The following CARMIL2 variants were observed in gnomAD, a reference collection of about 807,000 sequenced individuals.
The protein encoded by CARMIL2 is capping protein, Arp2/3 and myosin-I linker protein 2.
A neutral mutation model predicts 173.3 loss-of-function variants in CARMIL2; 96 were observed. That is an observed-to-expected ratio of 0.55 (90% confidence interval 0.47 to 0.66). The LOEUF (loss-of-function observed/expected upper bound fraction) is 0.66. Among genes scored for constraint, CARMIL2 ranks in the 30% least tolerant of loss-of-function variants. CARMIL2 has a pLI of 0.00. For missense variants in CARMIL2, 1,771 were observed against 1,906.7 expected, an observed-to-expected ratio of 0.93 and a Z score of 1.33; for synonymous variants, 830 against 817.1, an observed-to-expected ratio of 1.02 and a Z score of -0.27.
rs760014999 is a variant in CARMIL2 at position 67,657,536 on chromosome 16, G to A, written c.*18G>A. On this transcript the variant is annotated 3_prime_UTR_variant, in exon 38 of 38. Transcript: ENST00000334583. This position sits in a 1 kb window ranked among gnomAD's most constrained non-coding sequence, Gnocchi z 4.5. ...ATCCCTGATCCTCTCCTCTCCTGCC[G>A]CATGAGATTATTTTATTAAAAAACT... is the stretch of plus-strand genomic sequence containing the variant. 2.7e-5 allele frequency: 43 copies of A among 1,613,250 alleles called. No individual in the cohort carries two copies. Among genetic ancestry groups the A allele is most frequent in the South Asian group, 2.1e-4 (19 of 91,072 alleles).
In CARMIL2 at chr16:67,648,485, G is replaced by A. The variant is rs1414733929; in HGVS notation, c.1422G>A (p.Leu474=). 2.1e-6 allele frequency: 3 copies of A among 1,434,630 alleles called. No individual in the cohort carries two copies. The highest frequency in any genetic ancestry group is 2.7e-6 in the Non-Finnish European group (3 of 1,101,628). 88.9% of individuals were successfully genotyped at this position (1,434,630 alleles called of 1,614,324 possible). The change falls in exon 15 of 38, where the codon CTG becomes CTA. Residue 474 remains leucine (L), a synonymous_variant. Coordinates refer to ENST00000334583, the MANE Select transcript of CARMIL2 (RefSeq NM_001013838.3). This position sits in a 1 kb window ranked among gnomAD's most constrained non-coding sequence, Gnocchi z 6.1. ...LRHLGLAGCK[L]PPDALRALLD... ...ACCTGGGCCTGGCGGGCTGCAAGCT[G>A]CCGCCCGACGCGCTCAGGTCAGTGT...
At chr16:67,650,245 G>T (rs1409056355) in intron 22 of CARMIL2, 95 bp downstream of exon 22, 39 of 1,047,958 alleles carry the variant, frequency 3.7e-5, no homozygotes, top group Non-Finnish European at 5.4e-5. Flanking sequence ...CTTTCCTGGG[G>T]CCAGGGTGCC....
chr16:67,650,095 C>T lies in CARMIL2; in HGVS notation c.2129C>T (p.Ser710Phe), dbSNP rs375991429. The change falls in exon 22 of 38, where the codon TCT becomes TTT. Residue 710 changes from serine to phenylalanine, a missense_variant. Transcript: ENST00000334583. ...AACAACCGCGCAGACCCTGCCTCTT[C>T]TGACCACACGACCCGCCTTCAGCCA... ...LRNNRADPAS[S>F]DHTTRLQPLG... 5.6e-6 allele frequency: 9 copies of T among 1,613,698 alleles called. No individual in the cohort carries two copies. The Admixed American group carries it at 1.5e-4, about 27-fold the overall frequency.
rs2052789973 is a variant in CARMIL2 at position 67,654,229 on chromosome 16, G to C, written c.3201G>C (p.Arg1067Ser). 6.4e-7 allele frequency: 1 copy of C among 1,571,172 alleles called. No individual in the cohort carries two copies. The highest frequency in any genetic ancestry group is 1.9e-5 in the Admixed American group (1 of 53,414). Residue 1067 changes from arginine to serine, a missense_variant, in exon 30 of 38, where the codon AGG (arginine) becomes AGC (serine). Arg to Ser is a moderately radical substitution (Grantham distance 110, BLOSUM62 -1). Around this residue, in one of 3 missense-constraint regions of CARMIL2, gnomAD observed 817 missense variants for 903.5 expected, o/e 0.90. Transcript: ENST00000334583. ...GCGTGGAGGAATTCTTCTCCAAAAG[G>C]CTGATCCAGCAGGATCGCCTGTGAG... ...DEGVEEFFSKRLIQQDRLWAP... is the reference protein window; with the variant it reads ...DEGVEEFFSKSLIQQDRLWAP...
chr16:67,653,300 C>A lies in CARMIL2; in HGVS notation c.3120+46C>A. The A allele has an allele frequency of 1.0e-6, 1 of 960,536 alleles. No homozygotes were observed. The highest frequency in any genetic ancestry group is 4.9e-5 in the South Asian group (1 of 20,244). The allele number at this position is 960,536 out of a possible 1,614,324, so 59.5% of individuals were successfully genotyped here. Reference sequence around the variant, plus strand: ...CCGGAGCGCGTGGAATTGGGGATCACGGGTGGCCCGGCCGCTCCTCATGGG... The same window carrying A: ...CCGGAGCGCGTGGAATTGGGGATCAAGGGTGGCCCGGCCGCTCCTCATGGG... On this transcript the variant is annotated intron_variant, in intron 29 of 37. Coordinates refer to ENST00000334583, the MANE Select transcript of CARMIL2 (RefSeq NM_001013838.3). The surrounding 1 kb of genome is among the most constrained non-coding windows in gnomAD (Gnocchi z 7.4).
In CARMIL2 at chr16:67,653,041, G is replaced by A; in HGVS notation, c.2907G>A (p.Pro969=). ...FIHSAAEEAE[P]EPELAAPGED... is the part of the protein sequence containing the mutation. ...CAGGTGCTGCTGAGGAAGCGGAGCC[G>A]GAGCCCGAGCTGGCGGCTCCGGGAG... The change falls in exon 29 of 38, where the codon CCG becomes CCA. Residue 969 remains proline, a synonymous_variant. Coordinates refer to ENST00000334583, the MANE Select transcript of CARMIL2 (RefSeq NM_001013838.3). This position sits in a 1 kb window ranked among gnomAD's most constrained non-coding sequence, Gnocchi z 7.4. 3.9e-6 allele frequency: 5 copies of A among 1,271,708 alleles called. No individual in the cohort carries two copies. Among genetic ancestry groups the A allele is most frequent in the Non-Finnish European group, 5.0e-6 (5 of 996,844 alleles). The allele number at this position is 1,271,708 out of a possible 1,614,324, so 78.8% of individuals were successfully genotyped here.
Position 67,648,964 on chromosome 16 carries a change from G to A in CARMIL2, c.1581G>A (p.Leu527=), listed in dbSNP as rs745361625. Residue 527 remains leucine, a synonymous_variant, in exon 17 of 38, where the codon CTG becomes CTA. Transcript: ENST00000334583. This position sits in a 1 kb window ranked among gnomAD's most constrained non-coding sequence, Gnocchi z 6.1. ...CDAGAVSSLD[L]ADNGFGSDMV... ...CAGGCGCTGTGAGCTCCCTGGATCT[G>A]GCGGATAACGGTGAGGCTGCAGGAG... 2.5e-6 allele frequency: 4 copies of A among 1,609,024 alleles called. No homozygotes were observed. The highest frequency in any genetic ancestry group is 2.5e-6 in the Non-Finnish European group (3 of 1,177,984).
rs748616015 is a variant in CARMIL2 at position 67,648,031 on chromosome 16, G to T, written c.1072-21G>T. 6.2e-7 allele frequency: 1 copy of T among 1,609,240 alleles called. No homozygotes were observed. Among genetic ancestry groups the T allele is most frequent in the Non-Finnish European group, 8.5e-7 (1 of 1,178,070 alleles). The stretch of plus-strand genomic sequence containing the variant: ...TGGGTAGGCGATCCCCCACTCCATC[G>T]CACCCCTGTCCTCCCTCCAGGGCCT... On this transcript the variant is annotated intron_variant, in intron 13 of 37. Coordinates refer to ENST00000334583, the MANE Select transcript of CARMIL2 (RefSeq NM_001013838.3). This position sits in a 1 kb window ranked among gnomAD's most constrained non-coding sequence, Gnocchi z 6.1.
chr16:67,645,391 G>A, intron 1 of CARMIL2, 105 bp downstream of exon 1: 1 of 1,411,302 alleles, frequency 7.1e-7, no homozygotes, highest in Non-Finnish European at 9.8e-7. Flanking sequence ...GGTCCTCCCT[G>A]CTCCCCAGGA....
At position 67,653,109 on chromosome 16, in the gene CARMIL2, C is replaced by A; in HGVS notation, c.2975C>A (p.Pro992Gln). 8 of 1,150,160 alleles carry A rather than the reference C, an allele frequency of 7.0e-6. No individual in the cohort carries two copies. Among genetic ancestry groups the A allele is most frequent in the Non-Finnish European group, 8.6e-6 (8 of 932,428 alleles). 71.2% of individuals were successfully genotyped at this position (1,150,160 alleles called of 1,614,324 possible). The change falls in exon 29 of 38, where the codon CCG (proline) becomes CAG (glutamine). Residue 992 changes from proline to glutamine, a missense_variant. Pro to Gln is a moderately conservative substitution (Grantham distance 76). Around this residue, in one of 3 missense-constraint regions of CARMIL2, gnomAD observed 817 missense variants for 903.5 expected, o/e 0.90. Coordinates refer to ENST00000334583, the MANE Select transcript of CARMIL2 (RefSeq NM_001013838.3). The surrounding 1 kb of genome is among the most constrained non-coding windows in gnomAD (Gnocchi z 7.4). Reference protein sequence around the residue: ...PQAGPSARGSPSPAAPGPPAG... With the variant: ...PQAGPSARGSQSPAAPGPPAG... ...GCGGGGCCGTCCGCGCGCGGCTCTC[C>A]GAGCCCTGCCGCCCCTGGGCCCCCG...
chr16:67,654,716 G>A (rs2142949491), intron 31 of CARMIL2, 24 bp downstream of exon 31: 1 of 1,602,930 alleles, frequency 6.2e-7, no homozygotes. Flanking sequence ...ATGGGGGGTG[G>A]TGAAGGCGCT....
rs2142943202 is a variant in CARMIL2, at chr16:67,653,623, G to T, written c.3120+369G>T. The stretch of plus-strand genomic sequence containing the variant: ...GGGGCCAAGCCTGCGTCTGCTGCGC[G>T]TCCGGCGGCGGCGCGTGTGGGGAGA... On this transcript the variant is annotated intron_variant, in intron 29 of 37. Transcript: ENST00000334583. The surrounding 1 kb of genome is among the most constrained non-coding windows in gnomAD (Gnocchi z 7.4). Among the ~76,000 whole-genome samples the T allele has an allele frequency of 6.6e-6, 1 of 152,290 alleles. No homozygotes were observed. The highest frequency in any genetic ancestry group is 1.9e-4 in the East Asian group (1 of 5,168).
chr16:67,647,528 C>T lies in CARMIL2; in HGVS notation c.797C>T (p.Ala266Val), dbSNP rs1468078419. Residue 266 changes from alanine (A) to valine (V), a missense_variant, in exon 11 of 38, where the codon GCC (alanine) becomes GTC (valine). Ala to Val is a moderately conservative substitution (Grantham distance 64). Around this residue, in one of 3 missense-constraint regions of CARMIL2, gnomAD observed 944 missense variants for 975.6 expected, o/e 0.97. Transcript: ENST00000334583. ...SLRGDFVRRL[A>V]QALAGHSSSG... ...CCCAGAGACTTTGTCCGACGACTGG[C>T]CCAGGCGCTGGCGGGACACTCAAGC... 31 of 1,608,178 alleles carry T rather than the reference C, an allele frequency of 1.9e-5. 1 individual carries two copies. Among genetic ancestry groups the T allele is most frequent in the Non-Finnish European group, 2.6e-5 (31 of 1,177,704 alleles).
In CARMIL2 at chr16:67,649,570, G is replaced by A; in HGVS notation, c.1870G>A (p.Ala624Thr). 6.2e-7 allele frequency: 1 copy of A among 1,601,870 alleles called. No homozygotes were observed. Among genetic ancestry groups the A allele is most frequent in the Non-Finnish European group, 8.5e-7 (1 of 1,179,532 alleles). Residue 624 changes from alanine (A) to threonine (T), a missense_variant, in exon 20 of 38, where the codon GCG becomes ACG. By Grantham distance (58) the Ala-to-Thr change is moderately conservative. Around this residue, in one of 3 missense-constraint regions of CARMIL2, gnomAD observed 944 missense variants for 975.6 expected, o/e 0.97. Coordinates refer to ENST00000334583, the MANE Select transcript of CARMIL2 (RefSeq NM_001013838.3). The surrounding 1 kb of genome is among the most constrained non-coding windows in gnomAD (Gnocchi z 6.7). Reference protein sequence around the residue: ...LDISGNAMGDAGAKLLAKALR... With the variant: ...LDISGNAMGDTGAKLLAKALR... ...TATCAGCGGCAACGCCATGGGGGAC[G>A]CGGGCGCCAAGTTGCTGGCCAAGGC...
chr16:67,647,008 T>C (rs373985953), intron 8 of CARMIL2, 35 bp downstream of exon 8: 9 of 1,609,536 alleles, frequency 5.6e-6, no homozygotes, highest in Non-Finnish European at 7.6e-6. Flanking sequence ...AGGAGGAAGA[T>C]CCCGGGGCCC....
intron 32 of CARMIL2, among the ~76,000 whole-genome samples, chr16:67,655,518 A>G (rs1040505645): frequency 1.3e-5 from 2 of 152,136 alleles, no homozygotes; most frequent in African/African-American, 2.4e-5. Context: ...CACTGTTCAG[A>G]CTCCACAACC....
Position 67,656,317 on chromosome 16 carries a change from T to C in CARMIL2, c.3814+18T>C, listed in dbSNP as rs1199543857. On this transcript the variant is annotated intron_variant, in intron 34 of 37. Coordinates refer to ENST00000334583, the MANE Select transcript of CARMIL2 (RefSeq NM_001013838.3). The stretch of plus-strand genomic sequence containing the variant: ...GTCTGCTGGTGAGTGAGGGCCACTG[T>C]GTGTGTTGGTAGTGGGAGCAGGGAC... 11 of 1,613,522 alleles carry C rather than the reference T, an allele frequency of 6.8e-6. No individual in the cohort carries two copies. The highest frequency in any genetic ancestry group is 1.3e-5 in the African/African-American group (1 of 74,906).
In CARMIL2 at chr16:67,657,101, C is replaced by G; in HGVS notation, c.4118-138C>G. The G allele has an allele frequency of 1.2e-6, 1 of 851,538 alleles. No individual in the cohort carries two copies. Among genetic ancestry groups the G allele is most frequent in the Non-Finnish European group, 1.9e-6 (1 of 533,462 alleles). 52.7% of individuals were successfully genotyped at this position (851,538 alleles called of 1,614,324 possible). A position where few individuals can be genotyped will look rare whatever the true frequency, so the allele number is the denominator to read the frequency against. ...GAGCAGCCTCTGCCAGGGGTGAGGA[C>G]GCAGGGACGGGGGATGCTCTGAAGG... is the stretch of plus-strand genomic sequence containing the variant. On this transcript the variant is annotated intron_variant, in intron 36 of 37. Transcript: ENST00000334583. This position sits in a 1 kb window ranked among gnomAD's most constrained non-coding sequence, Gnocchi z 4.5.
Position 67,656,650 on chromosome 16 carries a change from G to A in CARMIL2, c.4036+5G>A. The A allele has an allele frequency of 6.3e-7, 1 of 1,581,622 alleles. No homozygotes were observed. The highest frequency in any genetic ancestry group is 8.6e-7 in the Non-Finnish European group (1 of 1,164,698). The stretch of plus-strand genomic sequence containing the variant: ...GCTTGGGCCCCAGAAATGAAGGTAG[G>A]CAGGCACCTGATTCCCCACCCCAAT... On this transcript the variant is annotated splice_donor_5th_base_variant and intron_variant, in intron 35 of 37. Transcript: ENST00000334583.
Sources: allele counts gnomAD v4.1 joint callset (sites outside exome capture counted in the v4.1 genomes callset), GRCh38; gene constraint gnomAD v4.1.1; regional missense constraint gnomAD v4.1.1; non-coding constraint Gnocchi (gnomAD v3.1); transcripts MANE v1.5; gene names NCBI Gene and HGNC (gene_info 2026-07-23, HGNC 2026-07-21).